Variants in DNAH9 observed in about 807,000 individuals in gnomAD.
The protein encoded by DNAH9 is dynein axonemal heavy chain 9.
Under a neutral mutation model 471.6 loss-of-function variants are expected in DNAH9, and 345 were observed. The observed-to-expected ratio is 0.73, with a 90% confidence interval of 0.67 to 0.80. The LOEUF (loss-of-function observed/expected upper bound fraction) is 0.80. Ranked by LOEUF, DNAH9 falls within the 30% of genes least tolerant of loss-of-function variation. The pLI is 0.00. For missense variants in DNAH9, 5,407 were observed against 5,609.2 expected (o/e 0.96, Z 1.15); for synonymous variants, 2,093 against 2,123.6 (o/e 0.99, Z 0.40).
intron 55 of DNAH9, chr17:11,883,178 C>A: frequency 1.0e-6 from 1 of 992,504 alleles, no homozygotes; most frequent in Non-Finnish European, 1.2e-6. Context: ...TTTAAGTAAG[C>A]CATAGGAGAG....
At chr17:11,656,548 C>T (rs891612113) in intron 14 of DNAH9, among the ~76,000 whole-genome samples, 3 of 152,166 alleles carry the variant, frequency 2.0e-5, no homozygotes, top group Admixed American at 6.5e-5. Context: ...TTGACTAACT[C>T]ATCCCACTGT....
chr17:11,906,835 A>G lies in DNAH9; in HGVS notation c.11749+1026A>G, dbSNP rs142264967. Among the ~76,000 whole-genome samples the G allele has an allele frequency of 1.1e-3, 174 of 152,124 alleles. 1 individual carries two copies. The highest frequency in any genetic ancestry group is 1.7e-3 in the Non-Finnish European group (114 of 67,966). ...GAGTGATGAAAACACATGAGCACAAAGAGGGGAAGAACACACACTGGGGCC... is the reference window on the plus strand; with the variant it reads ...GAGTGATGAAAACACATGAGCACAAGGAGGGGAAGAACACACACTGGGGCC... On this transcript the variant is annotated intron_variant, in intron 61 of 68. Coordinates refer to ENST00000262442, the MANE Select transcript of DNAH9 (RefSeq NM_001372.4).
At chr17:11,899,929 G>A (rs1973350431) in intron 59 of DNAH9, among the ~76,000 whole-genome samples, 1 of 152,154 alleles carries the variant, frequency 6.6e-6, no homozygotes. Flanking sequence ...TGCCCGCAGG[G>A]AGCTCACAGT....
chr17:11,881,774 T>C (rs967019981), intron 55 of DNAH9, among the ~76,000 whole-genome samples: 1 of 152,028 alleles, frequency 6.6e-6, no homozygotes, highest in Non-Finnish European at 1.5e-5. Flanking sequence ...TAACTGGGCA[T>C]GGTGGCGCTA....
intron 9 of DNAH9, among the ~76,000 whole-genome samples, chr17:11,637,343 A>G (rs2073184057): frequency 6.6e-6 from 1 of 152,216 alleles, no homozygotes; most frequent in Non-Finnish European, 1.5e-5. Context: ...TGGGTCCTGT[A>G]TACTGTGGCA....
Position 11,617,566 on chromosome 17 carries a change from TC to T in DNAH9, c.1064del (p.Pro355ArgfsTer4). ...LIWATCKSYR[S>X]PGRLTVLLQE... ...TTGGGCCACATGCAAGTCCTACCGCTCCCCGGGAAGGCTGACTGTGCTGCTC... is the reference window on the plus strand; with the variant it reads ...TTGGGCCACATGCAAGTCCTACCGCTCCCGGGAAGGCTGACTGTGCTGCTC... On this transcript the variant is annotated frameshift_variant, in exon 5 of 69. Coordinates refer to ENST00000262442, the MANE Select transcript of DNAH9 (RefSeq NM_001372.4). LOFTEE classifies it high-confidence loss of function. 6.2e-7 allele frequency: 1 copy of T among 1,614,034 alleles called. No homozygotes were observed. Among genetic ancestry groups the T allele is most frequent in the Non-Finnish European group, 8.5e-7 (1 of 1,180,006 alleles).
chr17:11,939,681 T>C lies in DNAH9; in HGVS notation c.12660+2159T>C, dbSNP rs527266233. ...AGTAAATGACCGAGAGGTTGTACAC[T>C]CCACATACACTCATGAACTCTTGAC... On this transcript the variant is annotated intron_variant, in intron 66 of 68. Coordinates refer to ENST00000262442, the MANE Select transcript of DNAH9 (RefSeq NM_001372.4). Among the ~76,000 whole-genome samples, 5 of 152,322 alleles carry C rather than the reference T, an allele frequency of 3.3e-5. No homozygotes were observed. In the South Asian group the frequency reaches 1.0e-3, roughly 32 times the overall value.
intron 13 of DNAH9, among the ~76,000 whole-genome samples, chr17:11,652,430 C>T (rs2073531223): frequency 6.6e-6 from 1 of 151,798 alleles, no homozygotes. Flanking sequence ...GGACTACAGG[C>T]ACCCACCACC....
chr17:11,857,158 T>C (rs956763848), intron 50 of DNAH9, among the ~76,000 whole-genome samples: 1 of 152,232 alleles, frequency 6.6e-6, no homozygotes, highest in African/African-American at 2.4e-5. Flanking sequence ...GAACAGTTGG[T>C]GCAAAGAGAA....
intron 50 of DNAH9, among the ~76,000 whole-genome samples, chr17:11,860,386 C>T (rs1971799138): frequency 2.6e-5 from 4 of 152,178 alleles, no homozygotes; most frequent in Admixed American, 2.6e-4. Context: ...TCTCAGAGAA[C>T]GTTCTCAGAA....
rs200938265 is a variant in DNAH9, at chr17:11,769,183, C to T, written c.7406C>T (p.Ala2469Val). The change falls in exon 38 of 69, where the codon GCG becomes GTG. Residue 2469 changes from alanine (A) to valine (V), a missense_variant. This residue lies in a region of DNAH9 where 4,636 missense variants were observed against 4,900.3 expected (regional missense o/e 0.95). Coordinates refer to ENST00000262442, the MANE Select transcript of DNAH9 (RefSeq NM_001372.4). ...RVCYFMERLM[A>V]RQRPVMLVGT... The stretch of plus-strand genomic sequence containing the variant: ...TGCTACTTCATGGAGCGGTTGATGG[C>T]GCGGCAGCGGCCTGTCATGCTGGTG... 3.2e-4 allele frequency: 516 copies of T among 1,614,154 alleles called. 3 individuals are homozygous for T. Among genetic ancestry groups the T allele is most frequent in the Admixed American group, 1.0e-4 (6 of 60,014 alleles).
In DNAH9 at chr17:11,932,030, G is replaced by A; in HGVS notation, c.12122G>A (p.Cys4041Tyr). 1 of 1,614,180 alleles carries A rather than the reference G, an allele frequency of 6.2e-7. No individual in the cohort carries two copies. Among genetic ancestry groups the A allele is most frequent in the South Asian group, 1.1e-5 (1 of 91,088 alleles). ...DNFTQDTLEM[C>Y]SRETEFKSIL... ...TCATTTCAGGACACTCTGGAGATGT[G>A]TTCTCGGGAGACGGAGTTTAAGAGC... The change falls in exon 64 of 69, where the codon TGT becomes TAT. Residue 4041 changes from cysteine (C) to tyrosine (Y), a missense_variant. Cys to Tyr is a radical substitution (Grantham distance 194). Transcript: ENST00000262442. This position sits in a 1 kb window ranked among gnomAD's most constrained non-coding sequence, Gnocchi z 4.3.
intron 52 of DNAH9, among the ~76,000 whole-genome samples, 197 bp from the exon 53 acceptor site, chr17:11,874,752 G>A (rs1220572868): frequency 1.6e-5 from 2 of 123,906 alleles, no homozygotes; most frequent in African/African-American, 5.7e-5. Flanking sequence ...TTCATCCATG[G>A]AGGGGAAAAA....
At chr17:11,722,043 T>C (rs2150805839) in intron 27 of DNAH9, among the ~76,000 whole-genome samples, 1 of 152,322 alleles carries the variant, frequency 6.6e-6, no homozygotes, top group Admixed American at 6.5e-5. Flanking sequence ...GCCCTCATTC[T>C]GACTTCACCC....
At chr17:11,678,369 C>T (rs2074081862) in intron 17 of DNAH9, among the ~76,000 whole-genome samples, 1 of 152,234 alleles carries the variant, frequency 6.6e-6, no homozygotes, top group Admixed American at 6.5e-5. Flanking sequence ...AGACATCTGA[C>T]TGAGGTATAT....
intron 26 of DNAH9, among the ~76,000 whole-genome samples, chr17:11,708,012 CACAGAGAGAGAGAGAGAGAGAG>C (rs1399410562): frequency 2.6e-4 from 13 of 50,048 alleles, no homozygotes; most frequent in African/African-American, 8.4e-4. Flanking sequence ...CACACACACA[CACAGAGAGAGAGAGAGAGAGAG>C]AGAGAGAGAG....
intron 61 of DNAH9, among the ~76,000 whole-genome samples, chr17:11,908,097 C>T (rs1221397736): frequency 6.6e-6 from 1 of 152,148 alleles, no homozygotes; most frequent in Non-Finnish European, 1.5e-5. Context: ...GGGGTGGGGA[C>T]TGGGAGGTAT....
chr17:11,617,862 A>C (rs2150652589), intron 5 of DNAH9, among the ~76,000 whole-genome samples: 1 of 152,314 alleles, frequency 6.6e-6, no homozygotes. Context: ...AGAGGGGATA[A>C]GTAGGGGTGG....
chr17:11,861,234 T>A (rs1390562110), intron 50 of DNAH9, among the ~76,000 whole-genome samples: 1 of 151,644 alleles, frequency 6.6e-6, no homozygotes, highest in Non-Finnish European at 1.5e-5. Flanking sequence ...TGTCCATGTG[T>A]TCTCATTGTT....
Sources: allele counts gnomAD v4.1 joint callset (sites outside exome capture counted in the v4.1 genomes callset), GRCh38; gene constraint gnomAD v4.1.1; regional missense constraint gnomAD v4.1.1; non-coding constraint Gnocchi (gnomAD v3.1); transcripts MANE v1.5; gene names NCBI Gene and HGNC (gene_info 2026-07-23, HGNC 2026-07-21).